The following STAB2 variants were observed in gnomAD, a reference collection of about 807,000 sequenced individuals.
STAB2 encodes the protein stabilin-2.
A neutral mutation model predicts 338.1 loss-of-function variants in STAB2; 288 were observed. The observed-to-expected ratio is 0.85, with a 90% CI of 0.77 to 0.94. The LOEUF is 0.94. Ranked by LOEUF, STAB2 falls within the 40% of genes least tolerant of loss-of-function variation. The pLI, the probability that STAB2 is intolerant of heterozygous loss-of-function variation, is 0.00. For missense variants in STAB2, 3,141 were observed against 3,210.1 expected (o/e 0.98, Z 0.52); for synonymous variants, 1,202 against 1,193.3 (o/e 1.01, Z -0.15).
At chr12:103,732,538 G>A (rs1299863745) in intron 50 of STAB2, among the ~76,000 whole-genome samples, 2 of 152,132 alleles carry the variant, frequency 1.3e-5, no homozygotes, top group Non-Finnish European at 2.9e-5. Context: ...GGCACAGTTG[G>A]CTCATGCCTG....
chr12:103,713,116 A>C (rs1157184137), intron 41 of STAB2, among the ~76,000 whole-genome samples: 1 of 152,192 alleles, frequency 6.6e-6, no homozygotes, highest in Non-Finnish European at 1.5e-5. Context: ...TTTTATCTGC[A>C]ACTTGGGGAT....
intron 43 of STAB2, among the ~76,000 whole-genome samples, chr12:103,717,549 G>A (rs1357269795): frequency 6.6e-6 from 1 of 152,180 alleles, no homozygotes; most frequent in African/African-American, 2.4e-5. Context: ...AACAAAGATA[G>A]GATGTGCATG....
intron 33 of STAB2, among the ~76,000 whole-genome samples, chr12:103,696,519 C>A (rs1878420103): frequency 6.6e-6 from 1 of 152,152 alleles, no homozygotes; most frequent in African/African-American, 2.4e-5. Context: ...CTGGAGAGGT[C>A]ATTTGGACTT....
intron 37 of STAB2, among the ~76,000 whole-genome samples, chr12:103,706,395 A>T (rs1879348767): frequency 6.6e-6 from 1 of 152,194 alleles, no homozygotes. Context: ...CCTCACCTTC[A>T]GTAGTAGACG....
chr12:103,721,996 T>C (rs2139043165), intron 44 of STAB2, among the ~76,000 whole-genome samples: 1 of 152,298 alleles, frequency 6.6e-6, no homozygotes, highest in African/African-American at 2.4e-5. Flanking sequence ...TATCAACAGG[T>C]CTGTCTTTTT....
rs1426827009 is a variant in STAB2, at chr12:103,652,561, T to C, written c.1263T>C (p.Asn421=). 6.4e-7 allele frequency: 1 copy of C among 1,569,800 alleles called. No homozygotes were observed. The highest frequency in any genetic ancestry group is 2.3e-5 in the East Asian group (1 of 43,330). The change falls in exon 12 of 69, where the codon AAT becomes AAC. Residue 421 remains asparagine, a synonymous_variant. Coordinates refer to ENST00000388887, the MANE Select transcript of STAB2 (RefSeq NM_017564.10). ...TDKGLKGFNV[N]ELLVDNKAAQ... ...AATTGGCTCTTCTCTCTTAGGTAAA[T>C]GAGCTTTTGGTGGATAATAAAGCTG...
intron 3 of STAB2, among the ~76,000 whole-genome samples, chr12:103,607,731 G>T (rs989143862): frequency 8.5e-5 from 13 of 152,138 alleles, no homozygotes; most frequent in East Asian, 1.9e-4. Context: ...CTTTTTTATC[G>T]CTGCATAGTA....
At chr12:103,676,618 G>GA (rs1284959826) in intron 24 of STAB2, among the ~76,000 whole-genome samples, 1 of 152,144 alleles carries the variant, frequency 6.6e-6, no homozygotes, top group Non-Finnish European at 1.5e-5. Flanking sequence ...TGGGATCTAG[G>GA]GGAGTCAAGT....
chr12:103,705,852 A>C (rs1212419500), intron 37 of STAB2, 125 bp downstream of exon 37: 18 of 845,168 alleles, frequency 2.1e-5, no homozygotes, highest in Non-Finnish European at 3.5e-5. Context: ...TGTTACCTGC[A>C]TTATCATTGT....
intron 35 of STAB2, 149 bp downstream of exon 35, chr12:103,703,425 A>T: frequency 1.9e-6 from 2 of 1,054,210 alleles, no homozygotes. Context: ...CAAGGAGCAT[A>T]CCAGGCTGTG....
intron 19 of STAB2, 27 bp from the exon 20 acceptor site, chr12:103,668,616 A>G: frequency 1.9e-6 from 3 of 1,549,424 alleles, no homozygotes; most frequent in East Asian, 2.4e-5. Context: ...GCTGACTGCC[A>G]TGCTTTCCCT....
chr12:103,753,069 T>A, intron 60 of STAB2, 151 bp from the exon 61 acceptor site: 1 of 794,468 alleles, frequency 1.3e-6, no homozygotes, highest in South Asian at 2.3e-5. Context: ...TTTTAAATGA[T>A]GTACTTCAAC....
rs1240076570 is a variant in STAB2, at chr12:103,718,864, G to C, written c.4683+1023G>C. Among the ~76,000 whole-genome samples, 4 of 152,150 alleles carry C rather than the reference G, an allele frequency of 2.6e-5. 1 individual carries two copies. The South Asian group carries it at 8.3e-4, about 32-fold the overall frequency. On this transcript the variant is annotated intron_variant, in intron 44 of 68. Transcript: ENST00000388887. ...GCTTCTTGGGACCTCAGTTTCCTTG[G>C]ATGGTTATAAGTGTCCCTGGAATTC...
Position 103,669,587 on chromosome 12 carries a change from G to A in STAB2, c.2219G>A (p.Cys740Tyr), listed in dbSNP as rs778696018. 6.2e-7 allele frequency: 1 copy of A among 1,614,088 alleles called. No individual in the cohort carries two copies. Among genetic ancestry groups the A allele is most frequent in the Non-Finnish European group, 8.5e-7 (1 of 1,180,046 alleles). The change falls in exon 21 of 69, where the codon TGT becomes TAT. Residue 740 changes from cysteine to tyrosine, a missense_variant. Cys to Tyr is a radical substitution (Grantham distance 194, BLOSUM62 -2). Transcript: ENST00000388887. The stretch of plus-strand genomic sequence containing the variant: ...TTCTATGGACCTGACTGCAACCAGT[G>A]TCCAGGAGGCTTCTCAAATCCATGC... ...KGFYGPDCNQ[C>Y]PGGFSNPCSG...
rs909488735 is a variant in STAB2 at position 103,703,089 on chromosome 12, A to G, written c.3715-59A>G. ...GTCCTATTGCTAACCTCCACTTCCT[A>G]TCTTTTCCATATCTCTTTAAATGTC... is the stretch of plus-strand genomic sequence containing the variant. On this transcript the variant is annotated intron_variant, in intron 34 of 68. Transcript: ENST00000388887. 6 of 1,568,278 alleles carry G rather than the reference A, an allele frequency of 3.8e-6. No individual in the cohort carries two copies. The African/African-American group carries it at 8.2e-5, about 21-fold the overall frequency.
intron 34 of STAB2, 94 bp downstream of exon 34, chr12:103,699,321 A>C (rs967851843): frequency 6.8e-7 from 1 of 1,466,634 alleles, no homozygotes; most frequent in Non-Finnish European, 9.2e-7. Context: ...GTCATCCTTC[A>C]TCACTTCTGT....
intron 61 of STAB2, among the ~76,000 whole-genome samples, chr12:103,753,756 G>T (rs1188953514): frequency 6.6e-6 from 1 of 152,202 alleles, no homozygotes; most frequent in Non-Finnish European, 1.5e-5. Flanking sequence ...TGCCAAGGCA[G>T]AAGTGGAGAC....
At chr12:103,719,474 A>T (rs1005844334) in intron 44 of STAB2, among the ~76,000 whole-genome samples, 1 of 152,220 alleles carries the variant, frequency 6.6e-6, no homozygotes, top group Non-Finnish European at 1.5e-5. Flanking sequence ...TCCAAAATTA[A>T]GGTGCCTGCA....
In STAB2 at chr12:103,739,772, C is replaced by T. The variant is rs996931800; in HGVS notation, c.5754+304C>T. On this transcript the variant is annotated intron_variant, in intron 54 of 68. Transcript: ENST00000388887. Reference sequence around the variant, plus strand: ...AAAAATAGCTGCATTTTGTTGGCTGCTCTCCATGTCCCAGGCTCTGTGCTG... The same window carrying T: ...AAAAATAGCTGCATTTTGTTGGCTGTTCTCCATGTCCCAGGCTCTGTGCTG... Among the ~76,000 whole-genome samples the T allele has an allele frequency of 2.6e-5, 4 of 152,260 alleles. No homozygotes were observed. In the South Asian group the frequency reaches 8.3e-4, roughly 32 times the overall value.
Sources: allele counts gnomAD v4.1 joint callset (sites outside exome capture counted in the v4.1 genomes callset), GRCh38; gene constraint gnomAD v4.1.1; transcripts MANE v1.5; gene names NCBI Gene and HGNC (gene_info 2026-07-23, HGNC 2026-07-21).